KIF6: variants seen among roughly 807,000 people sequenced by gnomAD.
KIF6 encodes kinesin family member 6, also known as kinesin-like protein KIF6.
KIF6 carries 106 observed loss-of-function variants against 112.7 expected under a neutral mutation model. The observed-to-expected ratio is 0.94, with a 90% CI of 0.80 to 1.11. The LOEUF (loss-of-function observed/expected upper bound fraction) is 1.11, where lower values mean the gene tolerates loss of function less well. KIF6 is among the 50% of genes least tolerant of loss of function. The pLI, the probability that KIF6 is intolerant of heterozygous loss-of-function variation, is 0.00. For synonymous variants in KIF6, 339 were observed against 339.9 expected, an observed-to-expected ratio of 1.00 and a Z score of 0.03; for missense variants, 929 against 964.0, an observed-to-expected ratio of 0.96 and a Z score of 0.48.
intron 10 of KIF6, among the ~76,000 whole-genome samples, chr6:39,564,595 A>G (rs1237258307): frequency 6.6e-6 from 1 of 152,178 alleles, no homozygotes; most frequent in Non-Finnish European, 1.5e-5. Flanking sequence ...GCCTGTGAAC[A>G]CCAGAGGCAA....
intron 2 of KIF6, among the ~76,000 whole-genome samples, chr6:39,717,101 T>C (rs1789897671): frequency 6.6e-6 from 1 of 152,184 alleles, no homozygotes. Context: ...GTTTTCCACA[T>C]GTCAACAAGA....
chr6:39,614,750 G>A (rs890997701), intron 5 of KIF6, among the ~76,000 whole-genome samples: 2 of 152,084 alleles, frequency 1.3e-5, no homozygotes, highest in African/African-American at 4.8e-5. Flanking sequence ...TATTAAAAAT[G>A]CTTGGAAAAG....
At chr6:39,511,508 T>C (rs1195537284) in intron 13 of KIF6, among the ~76,000 whole-genome samples, 1 of 152,200 alleles carries the variant, frequency 6.6e-6, no homozygotes, top group African/African-American at 2.4e-5. Context: ...TTCAAATTAG[T>C]TCAACCATTG....
intron 13 of KIF6, among the ~76,000 whole-genome samples, chr6:39,449,194 C>A (rs2150405604): frequency 6.6e-6 from 1 of 152,338 alleles, no homozygotes; most frequent in Non-Finnish European, 1.5e-5. Context: ...TATAGCAACC[C>A]AAATGATCTT....
chr6:39,582,679 T>C (rs1781359716), intron 9 of KIF6, among the ~76,000 whole-genome samples: 1 of 152,132 alleles, frequency 6.6e-6, no homozygotes, highest in South Asian at 2.1e-4. Context: ...CCTCCCAAAG[T>C]GCTGGGATTA....
At chr6:39,409,914 G>A (rs1010011836) in intron 15 of KIF6, among the ~76,000 whole-genome samples, 1 of 152,212 alleles carries the variant, frequency 6.6e-6, no homozygotes, top group Non-Finnish European at 1.5e-5. Context: ...CTCTGTCCCA[G>A]CTATAAATGT....
intron 13 of KIF6, among the ~76,000 whole-genome samples, chr6:39,434,105 G>A (rs951501473): frequency 2.0e-5 from 3 of 152,110 alleles, no homozygotes; most frequent in African/African-American, 7.2e-5. Context: ...AGCAAAAAGA[G>A]TGATTAAAAG....
At chr6:39,711,303 T>G (rs1373239937) in intron 3 of KIF6, among the ~76,000 whole-genome samples, 9 of 142,500 alleles carry the variant, frequency 6.3e-5, no homozygotes, top group Non-Finnish European at 1.1e-4. Context: ...AAAAAGTATG[T>G]CTAAAAAGAA....
chr6:39,379,615 G>C (rs1766752695), intron 16 of KIF6, among the ~76,000 whole-genome samples: 1 of 152,224 alleles, frequency 6.6e-6, no homozygotes, highest in Admixed American at 6.5e-5. Context: ...GGTCAATGTT[G>C]AATTGGTTTT....
At chr6:39,341,279 A>G (rs1200137145) in intron 22 of KIF6, among the ~76,000 whole-genome samples, 1 of 152,076 alleles carries the variant, frequency 6.6e-6, no homozygotes, top group East Asian at 1.9e-4. Context: ...CCAGTGGTCC[A>G]CATTCCATCC....
rs1002435229 is a variant in KIF6, at chr6:39,394,393, A to C, written c.1811-8721T>G. On this transcript the variant is annotated intron_variant, in intron 15 of 22. Coordinates refer to ENST00000287152, the MANE Select transcript of KIF6 (RefSeq NM_145027.6). The stretch of plus-strand genomic sequence containing the variant: ...GTGATGTCATCTGCCATGTGTGCTG[A>C]CTGAAAATATTCATAACCGAAGTCT... Among the ~76,000 whole-genome samples, 36 of 152,350 alleles carry C rather than the reference A, an allele frequency of 2.4e-4. No homozygotes were observed. The East Asian group carries it at 4.2e-3, about 18-fold the overall frequency.
intron 15 of KIF6, among the ~76,000 whole-genome samples, chr6:39,416,215 T>C (rs1224922809): frequency 1.3e-5 from 2 of 152,228 alleles, no homozygotes; most frequent in African/African-American, 4.8e-5. Context: ...ATGCTGCCAG[T>C]GGTAAAACAG....
chr6:39,489,961 C>T (rs939050230), intron 13 of KIF6, among the ~76,000 whole-genome samples: 1 of 152,184 alleles, frequency 6.6e-6, no homozygotes, highest in African/African-American at 2.4e-5. Context: ...GGCTAAATTT[C>T]ACCCTTGGAT....
At chr6:39,337,675 A>C (rs1763108497) in intron 22 of KIF6, among the ~76,000 whole-genome samples, 1 of 151,892 alleles carries the variant, frequency 6.6e-6, no homozygotes, top group Admixed American at 6.6e-5. Context: ...TTTTTCCTCC[A>C]GATATTAATT....
At chr6:39,377,119 G>T (rs541366308) in intron 16 of KIF6, among the ~76,000 whole-genome samples, 1 of 152,224 alleles carries the variant, frequency 6.6e-6, no homozygotes, top group Non-Finnish European at 1.5e-5. Context: ...CCAGGCTGTA[G>T]TGCAGTGGCT....
rs76399474 is a variant in KIF6, at chr6:39,668,538, A to G, written c.252-28781T>C. Among the ~76,000 whole-genome samples, 1,320 of 152,280 alleles carry G rather than the reference A, an allele frequency of 8.7e-3. 20 individuals are homozygous for G. Among genetic ancestry groups the G allele is most frequent in the African/African-American group, 0.03 (1,257 of 41,560 alleles). Reference sequence around the variant, plus strand: ...CTGCACCTCAGAATCTCCAGTATAAAGTCATTCAGGCTTTGCTTGAATACT... The same window carrying G: ...CTGCACCTCAGAATCTCCAGTATAAGGTCATTCAGGCTTTGCTTGAATACT... On this transcript the variant is annotated intron_variant, in intron 3 of 22. Coordinates refer to ENST00000287152, the MANE Select transcript of KIF6 (RefSeq NM_145027.6).
At chr6:39,355,081 G>A (rs1469949330) in intron 19 of KIF6, among the ~76,000 whole-genome samples, 1 of 152,096 alleles carries the variant, frequency 6.6e-6, no homozygotes, top group African/African-American at 2.4e-5. Flanking sequence ...AACTACTCAG[G>A]AGGCTGAGGC....
intron 13 of KIF6, among the ~76,000 whole-genome samples, chr6:39,447,236 A>T (rs776798149): frequency 1.1e-4 from 17 of 152,288 alleles, no homozygotes; most frequent in South Asian, 2.1e-4. Flanking sequence ...ATGTGACAGG[A>T]CAGGGGCTTT....
intron 13 of KIF6, among the ~76,000 whole-genome samples, chr6:39,532,648 T>C (rs560217413): frequency 6.6e-6 from 1 of 152,332 alleles, no homozygotes; most frequent in Admixed American, 6.5e-5. Context: ...TAAAGAATTG[T>C]AATGTCACAA....
Sources: gnomAD v4.1 joint callset for allele counts (sites outside exome capture counted in the v4.1 genomes callset) on GRCh38, gnomAD v4.1.1 for gene constraint, MANE v1.5 for transcripts, NCBI Gene and HGNC (gene_info 2026-07-23, HGNC 2026-07-21) for gene names.